PEAR1: variants seen among roughly 807,000 people sequenced by gnomAD.
The protein encoded by PEAR1 is platelet endothelial aggregation receptor 1.
Under a neutral mutation model 131.2 loss-of-function variants are expected in PEAR1, and 113 were observed. The ratio of observed to expected loss-of-function variants is 0.86; its 90% CI spans 0.74 to 1.01. The LOEUF (loss-of-function observed/expected upper bound fraction) is 1.01, where lower values mean the gene tolerates loss of function less well. PEAR1 is among the 50% of genes least tolerant of loss of function. PEAR1 has a pLI of 0.00. For synonymous variants in PEAR1, 565 were observed against 523.3 expected, an observed-to-expected ratio of 1.08 and a Z score of -1.09; for missense variants, 1,408 against 1,391.1, an observed-to-expected ratio of 1.01 and a Z score of -0.19.
Position 156,906,757 on chromosome 1 carries a change from GCC to G in PEAR1, c.522_523del (p.Leu175SerfsTer42). The G allele has an allele frequency of 6.2e-7, 1 of 1,614,242 alleles. No homozygotes were observed. The highest frequency in any genetic ancestry group is 8.5e-7 in the Non-Finnish European group (1 of 1,180,046). ...CCTTCTGGTCTGCAGCCCCCGAACT[GCC>G]TTCAGCCCTGTACCCCTGGCTACTA... On this transcript the variant is annotated frameshift_variant, in exon 6 of 23. Transcript: ENST00000292357. LOFTEE classifies it high-confidence loss of function.
rs1333488128 is a variant in PEAR1, at chr1:156,908,039, A to G, written c.890A>G (p.Tyr297Cys). The G allele has an allele frequency of 1.3e-6, 2 of 1,510,074 alleles. No individual in the cohort carries two copies. The highest frequency in any genetic ancestry group is 2.5e-5 in the East Asian group (1 of 40,034). 93.5% of individuals were successfully genotyped at this position (1,510,074 alleles called of 1,614,324 possible). A position where few individuals can be genotyped will look rare whatever the true frequency, so the allele number is the denominator to read the frequency against. ...FTGQCRCAPG[Y>C]TGDRCREECP... ...GGGCAGTGCCGCTGCGCTCCGGGTT[A>G]CACTGGGGATCGGTGAGTGGCGTGG... Residue 297 changes from tyrosine (Y) to cysteine (C), a missense_variant, in exon 8 of 23, where the codon TAC becomes TGC. Physicochemically the swap from Tyr to Cys is radical, Grantham distance 194 (BLOSUM62 -2). Transcript: ENST00000292357. This position sits in a 1 kb window ranked among gnomAD's most constrained non-coding sequence, Gnocchi z 4.2.
rs530435976 is a variant in PEAR1, at chr1:156,898,648, T to C, written c.-10+4811T>C. Among the ~76,000 whole-genome samples the C allele has an allele frequency of 2.6e-5, 4 of 151,894 alleles. No individual in the cohort carries two copies. The South Asian group carries it at 6.3e-4, about 24-fold the overall frequency. On this transcript the variant is annotated intron_variant, in intron 1 of 22. Coordinates refer to ENST00000292357, the MANE Select transcript of PEAR1 (RefSeq NM_001080471.3). Reference sequence around the variant, plus strand: ...AGTGATCCTGTCTCCATGGCAAAGATAGGTTAGAAAAGGCCACAGAGAAAC... The same window carrying C: ...AGTGATCCTGTCTCCATGGCAAAGACAGGTTAGAAAAGGCCACAGAGAAAC...
intron 1 of PEAR1, among the ~76,000 whole-genome samples, chr1:156,896,020 T>G (rs1281354619): frequency 6.6e-6 from 1 of 152,130 alleles, no homozygotes; most frequent in African/African-American, 2.4e-5. Context: ...AGGTTGAGGC[T>G]GCAGTGAGCC....
In PEAR1 at chr1:156,909,891, G is replaced by T. The variant is rs746603817; in HGVS notation, c.1552G>T (p.Ala518Ser). 34 of 1,608,632 alleles carry T rather than the reference G, an allele frequency of 2.1e-5. No individual in the cohort carries two copies. Among genetic ancestry groups the T allele is most frequent in the Non-Finnish European group, 2.7e-5 (32 of 1,176,168 alleles). Residue 518 changes from alanine to serine, a missense_variant, in exon 12 of 23, where the codon GCC becomes TCC. By Grantham distance (99) the Ala-to-Ser change is moderately conservative. Transcript: ENST00000292357. ...ACTCTPGWHG[A>S]HCQLPCPKGQ... ...TACCTGCACCCCTGGGTGGCATGGG[G>T]CCCACTGCCAGCTGCCCTGTCCGGT...
At chr1:156,899,535 C>A (rs1649477895) in intron 1 of PEAR1, among the ~76,000 whole-genome samples, 1 of 152,052 alleles carries the variant, frequency 6.6e-6, no homozygotes, top group South Asian at 2.1e-4. Flanking sequence ...CCTGGGGGTT[C>A]TTCAGAAAAA....
rs567002022 is a variant in PEAR1, at chr1:156,914,706, G to C, written c.3022G>C (p.Asp1008His). The change falls in exon 23 of 23, where the codon GAC (aspartate) becomes CAC (histidine). Residue 1008 changes from aspartate to histidine, a missense_variant. By Grantham distance (81) the Asp-to-His change is moderately conservative. Transcript: ENST00000292357. Reference sequence around the variant, plus strand: ...TCCGGGCCTACCCCCCGGCCACTATGACTCACCCAAGAACAGCCACATCCC... The same window carrying C: ...TCCGGGCCTACCCCCCGGCCACTATCACTCACCCAAGAACAGCCACATCCC... ...LPPGLPPGHY[D>H]SPKNSHIPGH... The C allele has an allele frequency of 6.2e-7, 1 of 1,613,940 alleles. No individual in the cohort carries two copies. The highest frequency in any genetic ancestry group is 1.3e-5 in the African/African-American group (1 of 75,030).
chr1:156,914,084 C>A lies in PEAR1; in HGVS notation c.2946C>A (p.Pro982=). 6.2e-7 allele frequency: 1 copy of A among 1,600,038 alleles called. No individual in the cohort carries two copies. Among genetic ancestry groups the A allele is most frequent in the East Asian group, 2.3e-5 (1 of 44,132 alleles). Residue 982 remains proline (P), a synonymous_variant, in exon 22 of 23, where the codon CCC becomes CCA. Coordinates refer to ENST00000292357, the MANE Select transcript of PEAR1 (RefSeq NM_001080471.3). ...PQRDSGTYEQ[P]SPLIHDRDSV... is the part of the protein sequence containing the mutation. ...GAGACAGTGGCACCTACGAGCAGCC[C>A]AGCCCCCTGATCCATGGTGAGCCCT...
chr1:156,896,011 G>C (rs1570930708), intron 1 of PEAR1, among the ~76,000 whole-genome samples: 1 of 152,170 alleles, frequency 6.6e-6, no homozygotes, highest in East Asian at 1.9e-4. Flanking sequence ...GAGCCCAGGA[G>C]GTTGAGGCTG....
chr1:156,906,972 C>G (rs1222772103), intron 6 of PEAR1, 92 bp downstream of exon 6: 1 of 1,485,584 alleles, frequency 6.7e-7, no homozygotes, highest in Non-Finnish European at 9.0e-7. Context: ...AGACAGGGCC[C>G]CAAGTGTGGG....
chr1:156,907,921 A>G lies in PEAR1; in HGVS notation c.772A>G (p.Ile258Val). ...TGACCTCTTATCCCCACAGGGCACC[A>G]TCTGCTCCCTGCCCTGCCCAGAGGG... ...CSCPPGWMGT[I>V]CSLPCPEGFH... Residue 258 changes from isoleucine (I) to valine (V), a missense_variant, in exon 8 of 23, where the codon ATC (isoleucine) becomes GTC (valine). Physicochemically the swap from Ile to Val is conservative, Grantham distance 29. Transcript: ENST00000292357. 2.5e-6 allele frequency: 4 copies of G among 1,595,818 alleles called. No individual in the cohort carries two copies. Among genetic ancestry groups the G allele is most frequent in the Non-Finnish European group, 3.4e-6 (4 of 1,170,350 alleles).
chr1:156,904,044 T>C lies in PEAR1; in HGVS notation c.101+17T>C, dbSNP rs771438405. 7.5e-6 allele frequency: 12 copies of C among 1,604,298 alleles called. 1 individual carries two copies. The Admixed American group carries it at 1.8e-4, about 25-fold the overall frequency. On this transcript the variant is annotated intron_variant, in intron 2 of 22. Transcript: ENST00000292357. ...CTGGGAAAGGTGAGAGGGCCCCTGC[T>C]GCACCTTGAGGGCACCAAGCCCTAG...
chr1:156,910,790 G>A, intron 15 of PEAR1, 47 bp downstream of exon 15: 8 of 1,608,058 alleles, frequency 5.0e-6, no homozygotes, highest in South Asian at 1.1e-5. Flanking sequence ...GCTGAGAGGG[G>A]GTGCTGAGGA....
chr1:156,914,678 G>C lies in PEAR1; in HGVS notation c.2994G>C (p.Leu998=). ...DRDSVGSQPP[L]PPGLPPGHYD... ...ACTCTGTGGGCTCCCAGCCCCCTCTGCCTCCGGGCCTACCCCCCGGCCACT... is the reference window on the plus strand; with the variant it reads ...ACTCTGTGGGCTCCCAGCCCCCTCTCCCTCCGGGCCTACCCCCCGGCCACT... Residue 998 remains leucine (L), a synonymous_variant, in exon 23 of 23, where the codon CTG becomes CTC. Transcript: ENST00000292357. 6.2e-7 allele frequency: 1 copy of C among 1,612,912 alleles called. No individual in the cohort carries two copies. Among genetic ancestry groups the C allele is most frequent in the Non-Finnish European group, 8.5e-7 (1 of 1,179,440 alleles).
At chr1:156,899,836 A>C (rs1261897335) in intron 1 of PEAR1, among the ~76,000 whole-genome samples, 1 of 152,024 alleles carries the variant, frequency 6.6e-6, no homozygotes, top group Admixed American at 6.6e-5. Flanking sequence ...GGGGGTGCAG[A>C]GGTGAGGGGT....
chr1:156,912,033 T>G (rs1324614663), intron 15 of PEAR1, among the ~76,000 whole-genome samples: 4 of 152,178 alleles, frequency 2.6e-5, no homozygotes. Flanking sequence ...GTGCAGATGT[T>G]GAGTAGGTAG....
chr1:156,903,563 G>A (rs1432544338), intron 1 of PEAR1, among the ~76,000 whole-genome samples: 1 of 152,182 alleles, frequency 6.6e-6, no homozygotes, highest in Non-Finnish European at 1.5e-5. Context: ...CAGTGGGGTG[G>A]GGGTGAATGA....
Position 156,912,248 on chromosome 1 carries a change from AT to A in PEAR1, c.1954del (p.Cys652AlafsTer33). On this transcript the variant is annotated frameshift_variant and splice_region_variant, in exon 16 of 23. Coordinates refer to ENST00000292357, the MANE Select transcript of PEAR1 (RefSeq NM_001080471.3). LOFTEE classifies it high-confidence loss of function. ...AGACAGGCCCCATGTCTCCCGTAGC[AT>A]GCCCTCCAGGACACTGGGGAGAAAA... ...GWTGPDCSQP[C>X]PPGHWGENCA... 1 of 1,611,500 alleles carries A rather than the reference AT, an allele frequency of 6.2e-7. No homozygotes were observed. The highest frequency in any genetic ancestry group is 8.5e-7 in the Non-Finnish European group (1 of 1,178,978).
At chr1:156,895,382 G>A (rs1558119797) in intron 1 of PEAR1, among the ~76,000 whole-genome samples, 1 of 152,310 alleles carries the variant, frequency 6.6e-6, no homozygotes, top group African/African-American at 2.4e-5. Flanking sequence ...CCTCCACCAC[G>A]GCATTCCCCA....
At chr1:156,898,804 A>G (rs1028988605) in intron 1 of PEAR1, among the ~76,000 whole-genome samples, 1 of 152,196 alleles carries the variant, frequency 6.6e-6, no homozygotes, top group African/African-American at 2.4e-5. Flanking sequence ...CTGTCCTTGA[A>G]AGTGGATGCT....
Sources: gnomAD v4.1 joint callset for allele counts (sites outside exome capture counted in the v4.1 genomes callset) on GRCh38, gnomAD v4.1.1 for gene constraint, Gnocchi (gnomAD v3.1) non-coding constraint, MANE v1.5 for transcripts, NCBI Gene and HGNC (gene_info 2026-07-23, HGNC 2026-07-21) for gene names.